The following ECRG4 variants were observed in gnomAD, a reference collection of about 807,000 sequenced individuals.
ECRG4 encodes ECRG4 augurin precursor, also known as augurin.
In ECRG4, 18 loss-of-function variants were observed where a neutral mutation model predicts 15.8. That is an observed-to-expected ratio of 1.14 (90% confidence interval 0.79 to 1.69). ECRG4 has a LOEUF of 1.69. Ranked by LOEUF, ECRG4 falls within the 40% of genes most tolerant of loss-of-function variation. The pLI, the probability that ECRG4 is intolerant of heterozygous loss-of-function variation, is 0.00. For synonymous variants in ECRG4, 82 were observed against 73.9 expected, an observed-to-expected ratio of 1.11 and a Z score of -0.56; for missense variants, 200 against 190.9, an observed-to-expected ratio of 1.05 and a Z score of -0.28.
intron 3 of ECRG4, among the ~76,000 whole-genome samples, chr2:106,076,489 C>T (rs1460356887): frequency 6.6e-6 from 1 of 152,038 alleles, no homozygotes; most frequent in Non-Finnish European, 1.5e-5. Flanking sequence ...TGATTCAGAC[C>T]CCAGGTATAG....
chr2:106,071,446 C>G (rs1490993905), intron 1 of ECRG4, among the ~76,000 whole-genome samples: 3 of 151,502 alleles, frequency 2.0e-5, no homozygotes, highest in Non-Finnish European at 4.4e-5. Flanking sequence ...CAAATAAGCT[C>G]ACATTCAGGG....
intron 2 of ECRG4, among the ~76,000 whole-genome samples, chr2:106,073,110 G>A (rs889628126): frequency 2.0e-5 from 3 of 152,182 alleles, no homozygotes; most frequent in African/African-American, 7.2e-5. Context: ...TCATCGAGAG[G>A]GACTGTCCAC....
intron 1 of ECRG4, among the ~76,000 whole-genome samples, chr2:106,066,743 T>G (rs2104789124): frequency 6.6e-6 from 1 of 152,214 alleles, no homozygotes; most frequent in African/African-American, 2.4e-5. Context: ...AAAGGGAGGC[T>G]CACTCGGTTG....
At chr2:106,073,741 T>C (rs755175544) in intron 2 of ECRG4, 145 bp from the exon 3 acceptor site, 162 of 911,222 alleles carry the variant, frequency 1.8e-4, no homozygotes, top group Non-Finnish European at 2.6e-4. Context: ...CTGTGTCACA[T>C]TGTCACATGC....
chr2:106,076,620 C>G (rs1676492521), intron 3 of ECRG4, among the ~76,000 whole-genome samples: 1 of 152,118 alleles, frequency 6.6e-6, no homozygotes, highest in Non-Finnish European at 1.5e-5. Context: ...GCTGGGGATT[C>G]CAGCCTCACA....
chr2:106,073,215 A>G (rs1029006678), intron 2 of ECRG4, among the ~76,000 whole-genome samples: 1 of 152,220 alleles, frequency 6.6e-6, no homozygotes, highest in Admixed American at 6.5e-5. Context: ...ATCCTGCGGA[A>G]GTGGTTCCAT....
chr2:106,076,630 A>C (rs1200320025), intron 3 of ECRG4, among the ~76,000 whole-genome samples: 2 of 152,186 alleles, frequency 1.3e-5, no homozygotes, highest in African/African-American at 4.8e-5. Context: ...CCAGCCTCAC[A>C]AAGTTCTCAA....
At chr2:106,065,193 C>T (rs1165711956), upstream of ECRG4, among the ~76,000 whole-genome samples, 1 of 152,048 alleles carries the variant, frequency 6.6e-6, no homozygotes, top group African/African-American at 2.4e-5. Flanking sequence ...ATTCCAAAGC[C>T]CACTTTACAA....
intron 1 of ECRG4, among the ~76,000 whole-genome samples, chr2:106,070,207 AG>A (rs1676332331): frequency 6.6e-6 from 1 of 152,226 alleles, no homozygotes; most frequent in South Asian, 2.1e-4. Context: ...TACAAGGACA[AG>A]AGGTATATAC....
At chr2:106,074,313 T>C in intron 3 of ECRG4, 2 of 368,382 alleles carry the variant, frequency 5.4e-6, no homozygotes, top group East Asian at 8.5e-5. Context: ...TCATCGAGAA[T>C]CTGACTTTCT....
At chr2:106,074,177 C>T in intron 3 of ECRG4, 134 bp downstream of exon 3, 1 of 966,348 alleles carries the variant, frequency 1.0e-6, no homozygotes. Context: ...CATCATATGC[C>T]AAGTGCTATC....
intron 3 of ECRG4, among the ~76,000 whole-genome samples, chr2:106,075,410 T>G (rs1461219302): frequency 2.0e-5 from 3 of 152,242 alleles, no homozygotes; most frequent in Admixed American, 2.0e-4. Context: ...TGACCATCAT[T>G]AAAATGGGCA....
rs149463340 is a variant in ECRG4 at position 106,075,717 on chromosome 2, G to A, written c.285+1674G>A. Among the ~76,000 whole-genome samples, 20 of 150,994 alleles carry A rather than the reference G, an allele frequency of 1.3e-4. No individual in the cohort carries two copies. The East Asian group carries it at 2.5e-3, about 19-fold the overall frequency. On this transcript the variant is annotated intron_variant, in intron 3 of 3. Transcript: ENST00000238044. ...AGCCTGGGCAACAGAATGAGACTCC[G>A]TCTCAAAAAAGAAAAAAAAAAGAGA...
intron 1 of ECRG4, among the ~76,000 whole-genome samples, chr2:106,071,176 C>A (rs766273943): frequency 2.4e-4 from 36 of 152,030 alleles, no homozygotes; most frequent in Admixed American, 2.4e-3. Context: ...GGGAGCCTGA[C>A]TCCCATTTCT....
intron 1 of ECRG4, among the ~76,000 whole-genome samples, chr2:106,068,515 A>G (rs1365370011): frequency 6.6e-6 from 1 of 152,182 alleles, no homozygotes; most frequent in East Asian, 1.9e-4. Context: ...TTCCATCTAT[A>G]GCTAAGGTTT....
chr2:106,077,891 A>G lies in ECRG4; in HGVS notation c.412A>G (p.Arg138Gly). The G allele has an allele frequency of 6.2e-7, 1 of 1,614,158 alleles. No homozygotes were observed. The highest frequency in any genetic ancestry group is 8.5e-7 in the Non-Finnish European group (1 of 1,180,030). The stretch of plus-strand genomic sequence containing the variant: ...TGGTCCCCGGAGCCCCTACGGCTTT[A>G]GGCATGGAGCCAGCGTCAACTACGA... ...AIGPRSPYGF[R>G]HGASVNYDDY Residue 138 changes from arginine to glycine, a missense_variant, in exon 4 of 4, where the codon AGG becomes GGG. Transcript: ENST00000238044.
rs765607634 is a variant in ECRG4 at position 106,071,035 on chromosome 2, T to C, written c.80-809T>C. 3.9e-4 allele frequency: 182 copies of C among 470,800 alleles called. 1 individual carries two copies. The highest frequency in any genetic ancestry group is 3.5e-4 in the Admixed American group (15 of 42,540). 29.2% of individuals were successfully genotyped at this position (470,800 alleles called of 1,614,324 possible). ...TTTCTATTAAAAATGATTGAGCTGA[T>C]CAGAAACACTTTTAAAAGTGAATAC... On this transcript the variant is annotated intron_variant, in intron 1 of 3. Transcript: ENST00000238044.
At chr2:106,069,746 G>C (rs888500817) in intron 1 of ECRG4, among the ~76,000 whole-genome samples, 1 of 152,108 alleles carries the variant, frequency 6.6e-6, no homozygotes, top group African/African-American at 2.4e-5. Flanking sequence ...CCACAACTCC[G>C]GTTTTTCTAT....
At position 106,077,953 on chromosome 2, in the gene ECRG4, A is replaced by C. The variant is rs762295020; in HGVS notation, c.*27A>C. 8.8e-5 allele frequency: 142 copies of C among 1,607,098 alleles called. No homozygotes were observed. Among genetic ancestry groups the C allele is most frequent in the Non-Finnish European group, 1.1e-4 (134 of 1,176,436 alleles). On this transcript the variant is annotated 3_prime_UTR_variant, in exon 4 of 4. Coordinates refer to ENST00000238044, the MANE Select transcript of ECRG4 (RefSeq NM_032411.3). ...CATGACTTGCCACACGCTGTACAAGAAGCAAATAGCGATTCTCTTCATGTA... is the reference window on the plus strand; with the variant it reads ...CATGACTTGCCACACGCTGTACAAGCAGCAAATAGCGATTCTCTTCATGTA...
Sources: gnomAD v4.1 joint callset for allele counts (sites outside exome capture counted in the v4.1 genomes callset) on GRCh38, gnomAD v4.1.1 for gene constraint, MANE v1.5 for transcripts, NCBI Gene and HGNC (gene_info 2026-07-23, HGNC 2026-07-21) for gene names.